ZSWIM4: variants seen among roughly 807,000 people sequenced by gnomAD.
ZSWIM4 encodes zinc finger SWIM domain-containing protein 4.
ZSWIM4 carries 62 observed loss-of-function variants against 102.5 expected under a neutral mutation model. That is an observed-to-expected ratio of 0.60 (90% CI 0.49 to 0.75). ZSWIM4 has a LOEUF of 0.75. Among genes scored for constraint, ZSWIM4 ranks in the 30% least tolerant of loss-of-function variants. ZSWIM4 has a pLI of 0.00. For synonymous variants in ZSWIM4, 652 were observed against 674.5 expected, an observed-to-expected ratio of 0.97 and a Z score of 0.52; for missense variants, 1,280 against 1,529.6, an observed-to-expected ratio of 0.84 and a Z score of 2.72.
chr19:13,826,664 T>G lies in ZSWIM4; in HGVS notation c.2379+951T>G, dbSNP rs192439188. Among the ~76,000 whole-genome samples the G allele has an allele frequency of 5.9e-4, 90 of 151,560 alleles. No individual in the cohort carries two copies. The Middle Eastern group carries it at 0.01, about 17-fold the overall frequency. The stretch of plus-strand genomic sequence containing the variant: ...CCTGTAATCCCAGCTACTCGGGAGG[T>G]TGAGGCAAGAGAATCGCTTGAACCC... On this transcript the variant is annotated intron_variant, in intron 12 of 13. Coordinates refer to ENST00000590508, the MANE Select transcript of ZSWIM4 (RefSeq NM_001367834.3).
At chr19:13,803,552 C>T (rs1437608495) in intron 2 of ZSWIM4, among the ~76,000 whole-genome samples, 1 of 150,834 alleles carries the variant, frequency 6.6e-6, no homozygotes, top group Admixed American at 6.6e-5. Context: ...GAGGCCGAGG[C>T]GGGTGGATCA....
chr19:13,826,819 A>G (rs1182880086), intron 12 of ZSWIM4, among the ~76,000 whole-genome samples: 1 of 152,026 alleles, frequency 6.6e-6, no homozygotes, highest in Non-Finnish European at 1.5e-5. Flanking sequence ...TGTCTGGGTC[A>G]TCCCCAGGGG....
At chr19:13,814,060 CTT>C (rs869279797) in intron 6 of ZSWIM4, among the ~76,000 whole-genome samples, 29 of 138,052 alleles carry the variant, frequency 2.1e-4, no homozygotes, top group South Asian at 2.3e-4. Flanking sequence ...TACACGCATC[CTT>C]TTTTTTTTTT....
In ZSWIM4 at chr19:13,799,939, A is replaced by G. The variant is rs755538182; in HGVS notation, c.355+18A>G. 36 of 1,600,244 alleles carry G rather than the reference A, an allele frequency of 2.2e-5. No individual in the cohort carries two copies. The Admixed American group carries it at 3.5e-4, about 16-fold the overall frequency. ...GCAAGTGGGTGAGTCTTTGTCCCCC[A>G]CTCCTGCTGGGGAGGCCAGGAGGTC... On this transcript the variant is annotated intron_variant, in intron 2 of 13. Coordinates refer to ENST00000590508, the MANE Select transcript of ZSWIM4 (RefSeq NM_001367834.3).
Position 13,830,989 on chromosome 19 carries a change from T to C in ZSWIM4, c.3260T>C (p.Leu1087Pro), listed in dbSNP as rs1162582377. The C allele has an allele frequency of 6.2e-7, 1 of 1,613,050 alleles. No individual in the cohort carries two copies. The highest frequency in any genetic ancestry group is 8.5e-7 in the Non-Finnish European group (1 of 1,179,718). Residue 1087 changes from leucine to proline, a missense_variant, in exon 14 of 14, where the codon CTC (leucine) becomes CCC (proline). Coordinates refer to ENST00000590508, the MANE Select transcript of ZSWIM4 (RefSeq NM_001367834.3). ...CAGTTCTCACAGTTCTTGGAGAACC[T>C]CAAACAGACCTACAAGGGCAAGAAG... The part of the protein sequence containing the change: ...HLQFSQFLEN[L>P]KQTYKGKKKL...
At chr19:13,821,996 A>G (rs1205167472) in intron 10 of ZSWIM4, among the ~76,000 whole-genome samples, 4 of 152,158 alleles carry the variant, frequency 2.6e-5, no homozygotes, top group Non-Finnish European at 5.9e-5. Flanking sequence ...TCAGCCTCCC[A>G]AAGTGCTGGG....
Position 13,830,987 on chromosome 19 carries a change from C to T in ZSWIM4, c.3258C>T (p.Asn1086=). The change falls in exon 14 of 14, where the codon AAC becomes AAT. Residue 1086 remains asparagine, a synonymous_variant. Transcript: ENST00000590508. ...GHLQFSQFLE[N]LKQTYKGKKK... ...TCCAGTTCTCACAGTTCTTGGAGAACCTCAAACAGACCTACAAGGGCAAGA... is the reference window on the plus strand; with the variant it reads ...TCCAGTTCTCACAGTTCTTGGAGAATCTCAAACAGACCTACAAGGGCAAGA... The T allele has an allele frequency of 6.2e-7, 1 of 1,613,256 alleles. No homozygotes were observed. The highest frequency in any genetic ancestry group is 1.1e-5 in the South Asian group (1 of 91,016).
At chr19:13,827,613 G>GA (rs931579367) in intron 12 of ZSWIM4, among the ~76,000 whole-genome samples, 11 of 140,924 alleles carry the variant, frequency 7.8e-5, no homozygotes, top group Non-Finnish European at 1.7e-4. Flanking sequence ...AAAAAGAAAA[G>GA]AAAAAAAAAG....
intron 13 of ZSWIM4, among the ~76,000 whole-genome samples, chr19:13,829,540 G>A (rs562570369): frequency 2.6e-4 from 40 of 151,942 alleles, no homozygotes; most frequent in Non-Finnish European, 4.4e-4. Context: ...GCAGTGAGCC[G>A]AGAACTCACT....
At position 13,805,132 on chromosome 19, in the gene ZSWIM4, G is replaced by T; in HGVS notation, c.696G>T (p.Glu232Asp). 2 of 1,597,894 alleles carry T rather than the reference G, an allele frequency of 1.3e-6. No homozygotes were observed. Among genetic ancestry groups the T allele is most frequent in the South Asian group, 1.1e-5 (1 of 91,062 alleles). ...ATGAGATCCTCCTGCTGGGCTCCGA[G>T]ATCAACTTGGTGAATGGTAAGGGCA... ...LADEILLLGS[E>D]INLVNGAPDP... Residue 232 changes from glutamate (E) to aspartate (D), a missense_variant, in exon 3 of 14, where the codon GAG becomes GAT. By Grantham distance (45) the Glu-to-Asp change is conservative. Transcript: ENST00000590508.
chr19:13,795,904 CAG>C, intron 1 of ZSWIM4, 103 bp downstream of exon 1: 1 of 731,026 alleles, frequency 1.4e-6, no homozygotes, highest in Non-Finnish European at 1.8e-6. Context: ...CTAACCCAAT[CAG>C]AGACACCCCC....
At chr19:13,829,984 G>A (rs1975712926) in intron 13 of ZSWIM4, among the ~76,000 whole-genome samples, 1 of 152,212 alleles carries the variant, frequency 6.6e-6, no homozygotes, top group South Asian at 2.1e-4. Context: ...GGTTGAGGGG[G>A]TTGCAGAAAG....
rs1183675253 is a variant in ZSWIM4 at position 13,830,734 on chromosome 19, G to T, written c.3005G>T (p.Arg1002Leu). 6.2e-7 allele frequency: 1 copy of T among 1,608,212 alleles called. No individual in the cohort carries two copies. Among genetic ancestry groups the T allele is most frequent in the South Asian group, 1.1e-5 (1 of 90,768 alleles). ...CAPMLSDILR[R>L]WTLSAPGLGP... is the part of the protein sequence containing the mutation. ...CCAATGCTGTCCGATATTCTGCGCC[G>T]CTGGACTCTCTCGGCGCCCGGTCTG... is the stretch of plus-strand genomic sequence containing the variant. The change falls in exon 14 of 14, where the codon CGC (arginine) becomes CTC (leucine). Residue 1002 changes from arginine (R) to leucine (L), a missense_variant. Coordinates refer to ENST00000590508, the MANE Select transcript of ZSWIM4 (RefSeq NM_001367834.3).
At chr19:13,826,992 A>G (rs921895654) in intron 12 of ZSWIM4, among the ~76,000 whole-genome samples, 1 of 152,078 alleles carries the variant, frequency 6.6e-6, no homozygotes, top group Non-Finnish European at 1.5e-5. Flanking sequence ...CACTAAGAAG[A>G]TAAGGAATAG....
At chr19:13,814,923 G>A (rs912866793) in intron 7 of ZSWIM4, 58 bp downstream of exon 7, 7 of 1,058,620 alleles carry the variant, frequency 6.6e-6, no homozygotes, top group Admixed American at 3.6e-5. Context: ...TTGGGAGTCC[G>A]AGGTGGGAGG....
At position 13,823,423 on chromosome 19, in the gene ZSWIM4, T is replaced by C. The variant is rs751178850; in HGVS notation, c.2138T>C (p.Phe713Ser). ...SPLDSIMSNR[F>S]PRWFILGHLE... is the part of the protein sequence containing the mutation. Reference sequence around the variant, plus strand: ...CTGGACTCCATCATGAGCAACCGCTTCCCCCGCTGGTTCATCCTTGGCCAC... The same window carrying C: ...CTGGACTCCATCATGAGCAACCGCTCCCCCCGCTGGTTCATCCTTGGCCAC... Residue 713 changes from phenylalanine (F) to serine (S), a missense_variant, in exon 11 of 14, where the codon TTC becomes TCC. By Grantham distance (155) the Phe-to-Ser change is radical. Transcript: ENST00000590508. 1 of 1,605,612 alleles carries C rather than the reference T, an allele frequency of 6.2e-7. No homozygotes were observed. The highest frequency in any genetic ancestry group is 8.5e-7 in the Non-Finnish European group (1 of 1,175,804).
Position 13,809,012 on chromosome 19 carries a change from G to A in ZSWIM4, c.861+28G>A. On this transcript the variant is annotated intron_variant, in intron 4 of 13. Transcript: ENST00000590508. This position sits in a 1 kb window ranked among gnomAD's most constrained non-coding sequence, Gnocchi z 4.2. ...GCCGTGCGGGCCGGCGGGGCGCGGG[G>A]TGCAGAAGGCCCCGGCGGACGCCCC... The A allele has an allele frequency of 1.9e-6, 3 of 1,608,214 alleles. No homozygotes were observed. Among genetic ancestry groups the A allele is most frequent in the Non-Finnish European group, 2.6e-6 (3 of 1,175,892 alleles).
At chr19:13,818,029 T>A in intron 9 of ZSWIM4, 53 bp downstream of exon 9, 1 of 1,441,798 alleles carries the variant, frequency 6.9e-7, no homozygotes, top group Admixed American at 2.7e-5. Context: ...GTCCAGCCCC[T>A]GGTCCTGTAG....
chr19:13,812,670 C>A (rs113581124), intron 5 of ZSWIM4, among the ~76,000 whole-genome samples: 2,556 of 150,736 alleles, frequency 0.017, 71 homozygotes, highest in African/African-American at 0.06. Context: ...GGGCTTCACC[C>A]TGTTGGCCAG....
Sources: gnomAD v4.1 joint callset for allele counts (sites outside exome capture counted in the v4.1 genomes callset) on GRCh38, gnomAD v4.1.1 for gene constraint, Gnocchi (gnomAD v3.1) non-coding constraint, MANE v1.5 for transcripts, NCBI Gene and HGNC (gene_info 2026-07-23, HGNC 2026-07-21) for gene names.